The following IGSF22 variants were observed in gnomAD, a reference collection of about 807,000 sequenced individuals.
IGSF22 encodes the protein immunoglobulin superfamily, member 22.
IGSF22 carries 119 observed loss-of-function variants against 127.0 expected under a neutral mutation model. That is an observed-to-expected ratio of 0.94 (90% confidence interval 0.81 to 1.09). The LOEUF is 1.09. IGSF22 is among the 50% of genes least tolerant of loss of function. The probability of loss-of-function intolerance (pLI) is 0.00; values close to 1 mark genes in which losing one functional copy is unlikely to be tolerated. For missense variants in IGSF22, 1,518 were observed against 1,716.6 expected (o/e 0.88, Z 2.04); for synonymous variants, 568 against 664.7 (o/e 0.85, Z 2.24).
intron 8 of IGSF22, 97 bp downstream of exon 8, chr11:18,718,518 A>G (rs999232928): frequency 1.2e-6 from 1 of 808,702 alleles, no homozygotes; most frequent in Non-Finnish European, 2.2e-6. Flanking sequence ...CATCCTCTTG[A>G]TGGGATGGAA....
intron 11 of IGSF22, among the ~76,000 whole-genome samples, chr11:18,715,040 T>C (rs1482455012): frequency 2.2e-4 from 2 of 9,300 alleles, no homozygotes; most frequent in Non-Finnish European, 4.4e-4. Flanking sequence ...GTGGGATACA[T>C]ACATACATGT....
intron 11 of IGSF22, among the ~76,000 whole-genome samples, chr11:18,715,116 C>T (rs566386103): frequency 2.6e-5 from 4 of 151,636 alleles, no homozygotes; most frequent in Admixed American, 1.3e-4. Flanking sequence ...AGGAGATGGT[C>T]GGGATCAAGA....
At chr11:18,713,785 C>T (rs1848401154) in intron 14 of IGSF22, 67 bp downstream of exon 14, 1 of 1,308,934 alleles carries the variant, frequency 7.6e-7, no homozygotes, top group Non-Finnish European at 1.1e-6. Context: ...CTCAGCCTGC[C>T]TTCTGCCCTG....
rs1848319808 is a variant in IGSF22, at chr11:18,709,955, C to A, written c.2702-272G>T. On this transcript the variant is annotated intron_variant, in intron 17 of 22. Transcript: ENST00000513874. The surrounding 1 kb of genome is among the most constrained non-coding windows in gnomAD (Gnocchi z 4.8). ...AAGCTTCTGTATTCAAAACCCCAGC[C>A]TTTAACCCAACCATCTCCACCACAT... is the stretch of plus-strand genomic sequence containing the variant. 6.6e-6 allele frequency among the ~76,000 whole-genome samples: 1 copy of A among 152,168 alleles called. No homozygotes were observed. Among genetic ancestry groups the A allele is most frequent in the African/African-American group, 2.4e-5 (1 of 41,436 alleles).
chr11:18,705,594 T>C (rs1323701780), intron 22 of IGSF22: 2 of 576,316 alleles, frequency 3.5e-6, no homozygotes, highest in Non-Finnish European at 6.2e-6. Context: ...CCACATCTTA[T>C]CTAGGGATTG....
intron 2 of IGSF22, among the ~76,000 whole-genome samples, chr11:18,722,498 G>T (rs139326756): frequency 7.9e-5 from 12 of 152,254 alleles, no homozygotes; most frequent in African/African-American, 2.9e-4. Flanking sequence ...ATTGCCTTGG[G>T]AGTAGTGATT....
rs1188232991 is a variant in IGSF22, at chr11:18,705,966, G to A, written c.3761C>T (p.Thr1254Met). ...GTTGTACCAGAACTTGGAGTTGGCC[G>A]TGATGTTGACGTCGCCCTTGTAGAG... The part of the protein sequence containing the change: ...VTLYKGDVNI[T>M]ANSKFWYNST... The change falls in exon 22 of 23, where the codon ACG (threonine) becomes ATG (methionine). Residue 1254 changes from threonine to methionine, a missense_variant. Transcript: ENST00000513874. 3.2e-6 allele frequency: 5 copies of A among 1,551,620 alleles called. No individual in the cohort carries two copies. Among genetic ancestry groups the A allele is most frequent in the Admixed American group, 3.9e-5 (2 of 50,992 alleles).
At chr11:18,705,577 T>G in intron 22 of IGSF22, 2 of 553,410 alleles carry the variant, frequency 3.6e-6, no homozygotes, top group South Asian at 2.2e-5. Context: ...TCACCAAGAG[T>G]TGCAAACCAC....
chr11:18,720,314 G>A (rs757555201), intron 4 of IGSF22, 29 bp from the exon 5 acceptor site: 77 of 1,575,636 alleles, frequency 4.9e-5, no homozygotes, highest in Middle Eastern at 1.7e-4. Flanking sequence ...ATTAGTGGGG[G>A]AAGGAAAAGG....
Position 18,714,039 on chromosome 11 carries a change from C to A in IGSF22, c.1908G>T (p.Leu636=). 2 of 1,614,292 alleles carry A rather than the reference C, an allele frequency of 1.2e-6. No homozygotes were observed. The highest frequency in any genetic ancestry group is 2.2e-5 in the South Asian group (2 of 91,090). ...HIKVPFRGKP[L]PKVTWYKDGM... ...CATCCTTGTACCATGTCACTTTGGG[C>A]AGTGGTTTTCCCCGGAAGGGGACCT... Residue 636 remains leucine, a synonymous_variant, in exon 14 of 23, where the codon CTG becomes CTT. Transcript: ENST00000513874.
rs908035894 is a variant in IGSF22, at chr11:18,710,573, G to A, written c.2572+82C>T. ...GTTAAAACTTCCAGAAGAGTTGGAT[G>A]AGGGACTGTGTCAGTAGTTAATGGG... On this transcript the variant is annotated intron_variant, in intron 16 of 22. Transcript: ENST00000513874. 7.0e-6 allele frequency: 11 copies of A among 1,579,844 alleles called. No homozygotes were observed. The African/African-American group carries it at 8.1e-5, about 12-fold the overall frequency.
At chr11:18,724,072 T>C in intron 2 of IGSF22, 56 bp downstream of exon 2, 3 of 1,405,428 alleles carry the variant, frequency 2.1e-6, no homozygotes, top group Non-Finnish European at 3.0e-6. Flanking sequence ...AAGGGATGGG[T>C]GTGGAGGAAG....
At chr11:18,722,476 G>A (rs1033891050) in intron 2 of IGSF22, among the ~76,000 whole-genome samples, 1 of 152,126 alleles carries the variant, frequency 6.6e-6, no homozygotes, top group African/African-American at 2.4e-5. Context: ...CCATTCTGTG[G>A]GTTCAGCATT....
intron 21 of IGSF22, chr11:18,706,561 C>G (rs1215825898): frequency 1.1e-5 from 4 of 358,990 alleles, no homozygotes; most frequent in Non-Finnish European, 2.0e-5. Flanking sequence ...CCCTTAACCC[C>G]TAGCCTCCAG....
chr11:18,712,060 A>G (rs1262280603), intron 15 of IGSF22, 22 bp downstream of exon 15: 3 of 1,535,670 alleles, frequency 2.0e-6, no homozygotes, highest in South Asian at 1.2e-5. Flanking sequence ...TTCCCCACTG[A>G]GCACCAGGCT....
At chr11:18,721,262 C>T (rs1271899334) in intron 4 of IGSF22, among the ~76,000 whole-genome samples, 1 of 152,242 alleles carries the variant, frequency 6.6e-6, no homozygotes, top group Non-Finnish European at 1.5e-5. Flanking sequence ...CCCTTCGCTT[C>T]CATTGCGTCC....
chr11:18,709,562 A>G lies in IGSF22; in HGVS notation c.2823T>C (p.Ala941=). 1 of 1,614,198 alleles carries G rather than the reference A, an allele frequency of 6.2e-7. No individual in the cohort carries two copies. Among genetic ancestry groups the G allele is most frequent in the Non-Finnish European group, 8.5e-7 (1 of 1,180,044 alleles). Residue 941 remains alanine (A), a synonymous_variant, in exon 18 of 23, where the codon GCT becomes GCC. Transcript: ENST00000513874. The surrounding 1 kb of genome is among the most constrained non-coding windows in gnomAD (Gnocchi z 4.8). ...PPSGYILEMR[A]EDTKEWSKCT... is the part of the protein sequence containing the mutation. ...ACTTGGACCACTCCTTTGTGTCTTC[A>G]GCCCTCATCTCAAGGATGTAGCCAG...
chr11:18,707,416 C>T, intron 20 of IGSF22: 2 of 550,044 alleles, frequency 3.6e-6, no homozygotes, highest in Non-Finnish European at 6.3e-6. Context: ...TCTGAGACTT[C>T]TTTCCTCAAT....
rs1393662647 is a variant in IGSF22 at position 18,707,980 on chromosome 11, T to A, written c.3104A>T (p.Asp1035Val). Residue 1035 changes from aspartate to valine, a missense_variant, in exon 20 of 23, where the codon GAC (aspartate) becomes GTC (valine). This residue lies in a region of IGSF22 where 1,456 missense variants were observed against 1,644.9 expected (regional missense o/e 0.89). Coordinates refer to ENST00000513874, the MANE Select transcript of IGSF22 (RefSeq NM_173588.4). ...AACGCCATCTTTCTGCCAGATCACG[T>A]CAGGTGGTGGTGAGCCCTGAGTAGT... ...HAAFSGSPPP[D>V]VIWQKDGVPT... The A allele has an allele frequency of 6.2e-7, 1 of 1,614,026 alleles. No homozygotes were observed. Among genetic ancestry groups the A allele is most frequent in the South Asian group, 1.1e-5 (1 of 91,076 alleles).
Sources: gnomAD v4.1 joint callset for allele counts (sites outside exome capture counted in the v4.1 genomes callset) on GRCh38, gnomAD v4.1.1 for gene constraint, gnomAD v4.1.1 regional missense constraint, Gnocchi (gnomAD v3.1) non-coding constraint, MANE v1.5 for transcripts, NCBI Gene and HGNC (gene_info 2026-07-23, HGNC 2026-07-21) for gene names.